The following CAMTA1 variants were observed in gnomAD, a reference collection of about 807,000 sequenced individuals.
CAMTA1 encodes the protein calmodulin binding transcription activator 1, also known as calmodulin-binding transcription activator 1.
In CAMTA1, 27 loss-of-function variants were observed where a neutral mutation model predicts 170.9. That is an observed-to-expected ratio of 0.16 (90% CI 0.12 to 0.22). CAMTA1 has a LOEUF of 0.22. Among genes scored for constraint, CAMTA1 ranks in the 10% least tolerant of loss-of-function variants. The probability of loss-of-function intolerance (pLI) is 1.00; values close to 1 mark genes in which losing one functional copy is unlikely to be tolerated. For missense variants in CAMTA1, 1,619 were observed against 2,217.2 expected (o/e 0.73, Z 5.42); for synonymous variants, 833 against 891.5 (o/e 0.93, Z 1.17).
intron 7 of CAMTA1, among the ~76,000 whole-genome samples, chr1:7,645,044 C>T (rs2095793520): frequency 6.6e-6 from 1 of 152,218 alleles, no homozygotes; most frequent in African/African-American, 2.4e-5. Context: ...GGGTCTGTTC[C>T]AATGCAGCTG....
At chr1:7,394,511 G>GT in intron 5 of CAMTA1, among the ~76,000 whole-genome samples, 1 of 152,112 alleles carries the variant, frequency 6.6e-6, no homozygotes, top group South Asian at 2.1e-4. Flanking sequence ...GTCTATTCAG[G>GT]TTTTTTGCCC....
At chr1:7,183,304 C>T (rs903982505) in intron 4 of CAMTA1, among the ~76,000 whole-genome samples, 1 of 152,126 alleles carries the variant, frequency 6.6e-6, no homozygotes, top group Non-Finnish European at 1.5e-5. Flanking sequence ...GGGATCCCCC[C>T]CAATGACCCC....
chr1:7,269,072 C>T (rs1377159128), intron 5 of CAMTA1, among the ~76,000 whole-genome samples: 2 of 152,198 alleles, frequency 1.3e-5, no homozygotes, highest in East Asian at 3.9e-4. Context: ...AAACAACACA[C>T]ATTTATGATC....
At chr1:6,785,880 C>T (rs1386472510) in intron 1 of CAMTA1, among the ~76,000 whole-genome samples, 4 of 147,494 alleles carry the variant, frequency 2.7e-5, no homozygotes, top group East Asian at 2.0e-4. Flanking sequence ...GAGGAGCCGG[C>T]GGAGGGCCGG....
chr1:7,662,910 G>C, intron 8 of CAMTA1, among the ~76,000 whole-genome samples: 1 of 152,172 alleles, frequency 6.6e-6, no homozygotes, highest in Non-Finnish European at 1.5e-5. Flanking sequence ...GCTGTGGGAA[G>C]TTGGGGAGGG....
chr1:6,824,971 G>T, intron 2 of CAMTA1, 121 bp from the exon 3 acceptor site: 2 of 554,472 alleles, frequency 3.6e-6, no homozygotes, highest in South Asian at 2.6e-5. Flanking sequence ...GAATAGTGGG[G>T]CCTCTGATGC....
chr1:7,316,672 T>A (rs1377015411), intron 5 of CAMTA1, among the ~76,000 whole-genome samples: 6 of 152,138 alleles, frequency 3.9e-5, no homozygotes, highest in Non-Finnish European at 8.8e-5. Context: ...GATGCAGAAA[T>A]GAAAGGCCTG....
At chr1:7,450,884 T>C (rs2092807623) in intron 5 of CAMTA1, among the ~76,000 whole-genome samples, 1 of 151,040 alleles carries the variant, frequency 6.6e-6, no homozygotes, top group South Asian at 2.1e-4. Context: ...GGGCATCTCA[T>C]CTTACTGTTA....
At chr1:6,976,480 C>T (rs74051072) in intron 3 of CAMTA1, among the ~76,000 whole-genome samples, 1,714 of 152,172 alleles carry the variant, frequency 0.011, 27 homozygotes, top group African/African-American at 0.039. Context: ...GCAAGGGGGA[C>T]GTGGGAGACA....
At chr1:7,254,039 G>C (rs767110276) in intron 5 of CAMTA1, among the ~76,000 whole-genome samples, 10 of 152,122 alleles carry the variant, frequency 6.6e-5, no homozygotes, top group Non-Finnish European at 1.5e-4. Flanking sequence ...GGATGCAGGA[G>C]GGGAACCTGA....
chr1:7,470,940 A>C (rs1232806127), intron 6 of CAMTA1, among the ~76,000 whole-genome samples: 3 of 152,158 alleles, frequency 2.0e-5, no homozygotes, highest in African/African-American at 7.2e-5. Flanking sequence ...GTCTCCCCTG[A>C]GTGCCCAGCC....
intron 4 of CAMTA1, among the ~76,000 whole-genome samples, chr1:7,193,073 AG>A (rs1391185134): frequency 1.3e-5 from 2 of 152,134 alleles, no homozygotes; most frequent in African/African-American, 4.8e-5. Context: ...CATTTGGGCC[AG>A]GCACAGTGGC....
intron 3 of CAMTA1, among the ~76,000 whole-genome samples, chr1:6,845,523 A>C (rs1657748524): frequency 6.6e-6 from 1 of 152,234 alleles, no homozygotes; most frequent in South Asian, 2.1e-4. Context: ...AATATACTTT[A>C]AGTGAGTGGA....
Position 7,249,893 on chromosome 1 carries a change from G to A in CAMTA1, c.438+267G>A. 6.6e-6 allele frequency among the ~76,000 whole-genome samples: 1 copy of A among 152,114 alleles called. No homozygotes were observed. The highest frequency in any genetic ancestry group is 1.9e-4 in the East Asian group (1 of 5,184). On this transcript the variant is annotated intron_variant, in intron 5 of 22. Transcript: ENST00000303635. The surrounding 1 kb of genome is among the most constrained non-coding windows in gnomAD (Gnocchi z 4.4). Reference sequence around the variant, plus strand: ...AGATGGGGATTTGCAAGTTTCCTGTGGACTCATTTGTTGTATTTATCACGG... The same window carrying A: ...AGATGGGGATTTGCAAGTTTCCTGTAGACTCATTTGTTGTATTTATCACGG...
chr1:7,294,045 C>G (rs922770199), intron 5 of CAMTA1, among the ~76,000 whole-genome samples: 1 of 152,222 alleles, frequency 6.6e-6, no homozygotes, highest in Non-Finnish European at 1.5e-5. Flanking sequence ...TTCCTCATTT[C>G]TATGCAGAGG....
rs371037746 is a variant in CAMTA1 at position 7,737,251 on chromosome 1, C to G, written c.3343-4C>G. The G allele has an allele frequency of 2.5e-6, 4 of 1,611,776 alleles. No individual in the cohort carries two copies. In the Admixed American group the frequency reaches 6.7e-5, roughly 27 times the overall value. On this transcript the variant is annotated splice_region_variant and splice_polypyrimidine_tract_variant and intron_variant, in intron 14 of 22. Coordinates refer to ENST00000303635, the MANE Select transcript of CAMTA1 (RefSeq NM_015215.4). ...AACGCTTGCTGTGTCTCCCTGTCTT[C>G]TAGATGTGGGCGTGTGCCCTAGGGC...
In CAMTA1 at chr1:7,418,783, G is replaced by A. The variant is rs191181483; in HGVS notation, c.439-49047G>A. 1.4e-4 allele frequency among the ~76,000 whole-genome samples: 21 copies of A among 152,278 alleles called. No individual in the cohort carries two copies. In the East Asian group the frequency reaches 3.1e-3, roughly 22 times the overall value. ...CCTTCCAAGCTCTCTGGGCAAGCAC[G>A]TTGGAGCATCCTGGACGCTGCTCTC... is the stretch of plus-strand genomic sequence containing the variant. On this transcript the variant is annotated intron_variant, in intron 5 of 22. Transcript: ENST00000303635.
chr1:6,862,044 C>T (rs1287714944), intron 3 of CAMTA1, among the ~76,000 whole-genome samples: 3 of 151,512 alleles, frequency 2.0e-5, no homozygotes, highest in Non-Finnish European at 4.4e-5. Flanking sequence ...CTCACTGCAA[C>T]CCCTGCCTCC....
chr1:7,690,451 G>A (rs1320863391), intron 11 of CAMTA1, among the ~76,000 whole-genome samples: 1 of 152,190 alleles, frequency 6.6e-6, no homozygotes, highest in Non-Finnish European at 1.5e-5. Flanking sequence ...TGGCATGTGG[G>A]CAAGGAACTC....
Sources: allele counts gnomAD v4.1 joint callset (sites outside exome capture counted in the v4.1 genomes callset), GRCh38; gene constraint gnomAD v4.1.1; non-coding constraint Gnocchi (gnomAD v3.1); transcripts MANE v1.5; gene names NCBI Gene and HGNC (gene_info 2026-07-23, HGNC 2026-07-21).